Variants in TPD52L1 observed in about 807,000 individuals in gnomAD.
TPD52L1 encodes the protein tumor protein D53.
A neutral mutation model predicts 28.7 loss-of-function variants in TPD52L1; 18 were observed. The ratio of observed to expected loss-of-function variants is 0.63; its 90% CI spans 0.43 to 0.93. TPD52L1 has a LOEUF of 0.93. Among genes scored for constraint, TPD52L1 ranks in the 40% least tolerant of loss-of-function variants. The pLI is 0.00. For missense variants in TPD52L1, 203 were observed against 254.8 expected (o/e 0.80, Z 1.39); for synonymous variants, 75 against 88.8 (o/e 0.84, Z 0.88).
intron 1 of TPD52L1, among the ~76,000 whole-genome samples, chr6:125,217,670 C>A (rs144219772): frequency 6.6e-4 from 100 of 152,222 alleles, no homozygotes; most frequent in Admixed American, 3.7e-3. Context: ...GTCCATGGCG[C>A]GGGAGTTGGG....
intron 1 of TPD52L1, among the ~76,000 whole-genome samples, chr6:125,208,305 A>G (rs1794287109): frequency 6.6e-6 from 1 of 152,200 alleles, no homozygotes; most frequent in South Asian, 2.1e-4. Context: ...AGCTGGGGAT[A>G]AGGAGGAATA....
chr6:125,158,403 C>A (rs72973351), intron 1 of TPD52L1, among the ~76,000 whole-genome samples: 5 of 43,156 alleles, frequency 1.2e-4, no homozygotes, highest in African/African-American at 3.3e-4. Flanking sequence ...AGTATACATT[C>A]TACATTATAC....
chr6:125,167,547 A>C (rs769602702), intron 1 of TPD52L1, among the ~76,000 whole-genome samples: 10 of 152,242 alleles, frequency 6.6e-5, no homozygotes, highest in African/African-American at 9.6e-5. Context: ...GACAATTTAG[A>C]GAATATGTAG....
intron 1 of TPD52L1, among the ~76,000 whole-genome samples, chr6:125,174,960 CA>C (rs1405852285): frequency 1.3e-5 from 2 of 152,056 alleles, no homozygotes; most frequent in South Asian, 2.1e-4. Flanking sequence ...TTAGGTATTT[CA>C]AAAAATAAGG....
At chr6:125,161,338 C>T (rs1170012420) in intron 1 of TPD52L1, among the ~76,000 whole-genome samples, 1 of 152,172 alleles carries the variant, frequency 6.6e-6, no homozygotes, top group Non-Finnish European at 1.5e-5. Flanking sequence ...AAACTTTCTC[C>T]CTATCAGCAA....
At chr6:125,221,250 T>C (rs1795210539) in intron 2 of TPD52L1, among the ~76,000 whole-genome samples, 1 of 152,210 alleles carries the variant, frequency 6.6e-6, no homozygotes, top group African/African-American at 2.4e-5. Context: ...GTAAGCACAG[T>C]GCCTCAAATC....
intron 1 of TPD52L1, among the ~76,000 whole-genome samples, chr6:125,173,671 C>T (rs1397484411): frequency 6.6e-6 from 1 of 152,154 alleles, no homozygotes; most frequent in Non-Finnish European, 1.5e-5. Flanking sequence ...TGCGTACATA[C>T]ATATATACAA....
chr6:125,214,504 T>C, intron 1 of TPD52L1: 1 of 957,932 alleles, frequency 1.0e-6, no homozygotes, highest in South Asian at 4.8e-5. Flanking sequence ...GGGGAACTGC[T>C]TGGGCTGGAT....
intron 1 of TPD52L1, among the ~76,000 whole-genome samples, chr6:125,192,575 C>T (rs969410586): frequency 6.6e-6 from 1 of 152,138 alleles, no homozygotes; most frequent in African/African-American, 2.4e-5. Context: ...TAACAGAGAG[C>T]CCCATCTTCA....
chr6:125,231,097 C>T (rs1795922608), intron 3 of TPD52L1: 1 of 152,222 alleles, frequency 6.6e-6, no homozygotes, highest in Non-Finnish European at 1.5e-5. Flanking sequence ...TAAAGTTGAA[C>T]AAGCTCTAAT....
intron 3 of TPD52L1, among the ~76,000 whole-genome samples, chr6:125,230,259 T>G (rs541578750): frequency 6.6e-6 from 1 of 152,286 alleles, no homozygotes; most frequent in South Asian, 2.1e-4. Context: ...GCAAAGTATT[T>G]TACCTGCTGG....
intron 2 of TPD52L1, among the ~76,000 whole-genome samples, chr6:125,228,855 T>C (rs1314417636): frequency 6.6e-6 from 1 of 152,166 alleles, no homozygotes; most frequent in Non-Finnish European, 1.5e-5. Context: ...TGATTTTTAT[T>C]TTCTTGTTTA....
At chr6:125,252,982 A>G (rs533455636) in intron 4 of TPD52L1, 1 of 152,352 alleles carries the variant, frequency 6.6e-6, no homozygotes, top group Non-Finnish European at 1.5e-5. Context: ...AAATGGACCC[A>G]TTGTGCTCCT....
At chr6:125,232,625 C>G (rs1796018874) in intron 3 of TPD52L1, among the ~76,000 whole-genome samples, 1 of 152,026 alleles carries the variant, frequency 6.6e-6, no homozygotes, top group Non-Finnish European at 1.5e-5. Context: ...CAATCATGAC[C>G]TATTTAGTTT....
chr6:125,204,220 A>G (rs1407671311), intron 1 of TPD52L1, among the ~76,000 whole-genome samples: 1 of 152,174 alleles, frequency 6.6e-6, no homozygotes, highest in Admixed American at 6.5e-5. Context: ...GAGCATATAA[A>G]GGTATAAACT....
intron 1 of TPD52L1, among the ~76,000 whole-genome samples, chr6:125,210,062 G>C (rs371780162): frequency 5.9e-5 from 9 of 152,244 alleles, no homozygotes; most frequent in African/African-American, 2.2e-4. Flanking sequence ...ATTCAGACTA[G>C]TGCCAATGAA....
At chr6:125,154,203 T>G in intron 1 of TPD52L1, 1 of 1,348,496 alleles carries the variant, frequency 7.4e-7, no homozygotes, top group Non-Finnish European at 9.5e-7. Context: ...AGGCCCCTCC[T>G]CAGGAAATGC....
intron 1 of TPD52L1, among the ~76,000 whole-genome samples, chr6:125,191,524 G>A (rs912580363): frequency 5.3e-5 from 8 of 152,182 alleles, no homozygotes; most frequent in African/African-American, 1.7e-4. Context: ...CAGTGCAGAG[G>A]AACCTACCCA....
At chr6:125,203,202 T>C (rs1793902756) in intron 1 of TPD52L1, among the ~76,000 whole-genome samples, 1 of 152,212 alleles carries the variant, frequency 6.6e-6, no homozygotes, top group Non-Finnish European at 1.5e-5. Flanking sequence ...TTCCCATTTC[T>C]GCAATAGTTT....
Sources: allele counts gnomAD v4.1 joint callset (sites outside exome capture counted in the v4.1 genomes callset), GRCh38; gene constraint gnomAD v4.1.1; transcripts MANE v1.5; gene names NCBI Gene and HGNC (gene_info 2026-07-23, HGNC 2026-07-21).